Variants in DIDO1 observed in about 807,000 individuals in gnomAD.
DIDO1 encodes the protein death inducer-obliterator 1.
Under a neutral mutation model 99.4 loss-of-function variants are expected in DIDO1, and 16 were observed. The ratio of observed to expected loss-of-function variants is 0.16; its 90% CI spans 0.11 to 0.24. The LOEUF (loss-of-function observed/expected upper bound fraction) is 0.24. Ranked by LOEUF, DIDO1 falls within the 10% of genes least tolerant of loss-of-function variation. The pLI is 1.00. For synonymous variants in DIDO1, 1,366 were observed against 1,239.1 expected, an observed-to-expected ratio of 1.10 and a Z score of -2.15; for missense variants, 2,996 against 3,014.0, an observed-to-expected ratio of 0.99 and a Z score of 0.14.
chr20:62,918,231 T>C (rs1008893892), intron 1 of DIDO1, among the ~76,000 whole-genome samples: 9 of 152,252 alleles, frequency 5.9e-5, no homozygotes, highest in African/African-American at 2.2e-4. Context: ...ATGCATGGGT[T>C]TGCAACCACT....
rs1601044465 is a variant in DIDO1 at position 62,926,492 on chromosome 20, A to G, written c.-253T>C. 2 of 145,092 alleles carry G rather than the reference A, an allele frequency of 1.4e-5. No individual in the cohort carries two copies. Among genetic ancestry groups the G allele is most frequent in the East Asian group, 2.1e-4 (1 of 4,714 alleles). 9.0% of individuals were successfully genotyped at this position (145,092 alleles called of 1,614,324 possible). A position where few individuals can be genotyped will look rare whatever the true frequency, so the allele number is the denominator to read the frequency against. On this transcript the variant is annotated 5_prime_UTR_variant, in exon 1 of 16. Transcript: ENST00000395343. ...TCCCCGAACGCCGCGGAGTGGGCGG[A>G]CGGCCACCGAGATGGCGCGGGGCTA... is the stretch of plus-strand genomic sequence containing the variant.
chr20:62,906,535 A>G (rs1600983770), intron 5 of DIDO1, among the ~76,000 whole-genome samples: 1 of 152,380 alleles, frequency 6.6e-6, no homozygotes, highest in Middle Eastern at 3.4e-3. Context: ...TTAAAAATTA[A>G]GTCATTCAAA....
At chr20:62,902,598 C>G (rs1400696682) in intron 6 of DIDO1, among the ~76,000 whole-genome samples, 1 of 152,138 alleles carries the variant, frequency 6.6e-6, no homozygotes, top group Non-Finnish European at 1.5e-5. Flanking sequence ...GAGACTGGGT[C>G]CTCTTAGGAT....
At chr20:62,899,799 A>G (rs1256361410) in intron 6 of DIDO1, among the ~76,000 whole-genome samples, 1 of 152,216 alleles carries the variant, frequency 6.6e-6, no homozygotes, top group Non-Finnish European at 1.5e-5. Flanking sequence ...CAACACGCAG[A>G]AAGCCCCATT....
intron 1 of DIDO1, among the ~76,000 whole-genome samples, 163 bp downstream of exon 1, chr20:62,926,264 CCGCCCGCCCGCT>C (rs2147593963): frequency 6.6e-6 from 1 of 150,494 alleles, no homozygotes; most frequent in Non-Finnish European, 1.5e-5. Context: ...GCTCGCCCGC[CCGCCCGCCCGCT>C]CCTTCCCTTC....
Position 62,881,880 on chromosome 20 carries a change from A to G in DIDO1, c.4076T>C (p.Leu1359Ser). The change falls in exon 16 of 16, where the codon TTG becomes TCG. Residue 1359 changes from leucine to serine, a missense_variant. By Grantham distance (145) the Leu-to-Ser change is moderately radical. Transcript: ENST00000395343. This position sits in a 1 kb window ranked among gnomAD's most constrained non-coding sequence, Gnocchi z 8.3. The stretch of plus-strand genomic sequence containing the variant: ...GAACTGCTGGACGATCGGATCTAAC[A>G]ACGGAGGTGCCGGCACCCCGTCCTC... ...TAEDGVPAPP[L>S]LDPIVQQFGQ... 2 of 1,613,398 alleles carry G rather than the reference A, an allele frequency of 1.2e-6. No individual in the cohort carries two copies. Among genetic ancestry groups the G allele is most frequent in the Non-Finnish European group, 1.7e-6 (2 of 1,180,010 alleles).
At position 62,892,094 on chromosome 20, in the gene DIDO1, T is replaced by C. The variant is rs2147391512; in HGVS notation, c.3256-18A>G. On this transcript the variant is annotated intron_variant, in intron 13 of 15. Coordinates refer to ENST00000395343, the MANE Select transcript of DIDO1 (RefSeq NM_001193369.2). ...GGCAAATCCTAAACAGAAAGTACTT[T>C]GCGTAAATCACTTTGAACTGTAGTA... is the stretch of plus-strand genomic sequence containing the variant. The C allele has an allele frequency of 6.2e-7, 1 of 1,605,702 alleles. No individual in the cohort carries two copies. The highest frequency in any genetic ancestry group is 1.7e-4 in the Middle Eastern group (1 of 6,040).
intron 6 of DIDO1, among the ~76,000 whole-genome samples, chr20:62,901,062 A>C (rs536340178): frequency 6.6e-6 from 1 of 152,340 alleles, no homozygotes; most frequent in South Asian, 2.1e-4. Flanking sequence ...TGCTCCTCTC[A>C]ACATGCTAGA....
chr20:62,893,596 CCA>C, intron 12 of DIDO1, 68 bp downstream of exon 12: 1 of 1,472,942 alleles, frequency 6.8e-7, no homozygotes, highest in Non-Finnish European at 9.1e-7. Flanking sequence ...TATTTAATCA[CCA>C]GTTATCTTTC....
At chr20:62,890,508 T>C in intron 15 of DIDO1, 2 of 994,162 alleles carry the variant, frequency 2.0e-6, no homozygotes, top group African/African-American at 3.5e-5. Context: ...GAAATAGTTT[T>C]CTATGTCATT....
At chr20:62,927,846 A>C (rs2065280263), upstream of DIDO1, among the ~76,000 whole-genome samples, 1 of 152,180 alleles carries the variant, frequency 6.6e-6, no homozygotes, top group South Asian at 2.1e-4. Context: ...CATTAATAGA[A>C]TCTGGCAGGG....
At position 62,911,295 on chromosome 20, in the gene DIDO1, G is replaced by C; in HGVS notation, c.318C>G (p.Asp106Glu). The C allele has an allele frequency of 1.2e-6, 2 of 1,611,396 alleles. No homozygotes were observed. Among genetic ancestry groups the C allele is most frequent in the South Asian group, 2.2e-5 (2 of 91,082 alleles). ...CGCTGCCCTCGGAGGCTGTCTCGGC[G>C]TCTGTGGCGGGGCAGGACGTGGGCT... ...SGEPTSCPAT[D>E]AETASEGSVE... Residue 106 changes from aspartate (D) to glutamate (E), a missense_variant, in exon 3 of 16, where the codon GAC becomes GAG. Coordinates refer to ENST00000395343, the MANE Select transcript of DIDO1 (RefSeq NM_001193369.2). This position sits in a 1 kb window ranked among gnomAD's most constrained non-coding sequence, Gnocchi z 7.0.
exon 1 of DIDO1, chr20:62,937,850 C>T (rs1050999174): frequency 5.0e-6 from 2 of 398,452 alleles, no homozygotes; most frequent in Non-Finnish European, 4.4e-6. Context: ...TTTCCGCGCT[C>T]CAACGCCTCC....
At position 62,879,910 on chromosome 20, in the gene DIDO1, G is replaced by A. The variant is rs765813315; in HGVS notation, c.6046C>T (p.Pro2016Ser). ...PSRFHFQGQAPQVMKPGPRPL... is the reference protein window; with the variant it reads ...PSRFHFQGQASQVMKPGPRPL... ...CTGGGGCCCGGCTTCATCACCTGCGGGGCCTGGCCCTGGAAGTGAAATCGC... is the reference window on the plus strand; with the variant it reads ...CTGGGGCCCGGCTTCATCACCTGCGAGGCCTGGCCCTGGAAGTGAAATCGC... Residue 2016 changes from proline to serine, a missense_variant, in exon 16 of 16, where the codon CCG (proline) becomes TCG (serine). This residue lies in a region of DIDO1 where 1,562 missense variants were observed against 1,412.6 expected (regional missense o/e 1.11). Coordinates refer to ENST00000395343, the MANE Select transcript of DIDO1 (RefSeq NM_001193369.2). This position sits in a 1 kb window ranked among gnomAD's most constrained non-coding sequence, Gnocchi z 6.3. 10 of 1,591,092 alleles carry A rather than the reference G, an allele frequency of 6.3e-6. No homozygotes were observed. The highest frequency in any genetic ancestry group is 8.5e-6 in the Non-Finnish European group (10 of 1,170,916).
rs1356990225 is a variant in DIDO1 at position 62,897,136 on chromosome 20, T to A, written c.1589-140A>T. The A allele has an allele frequency of 3.8e-6, 3 of 783,048 alleles. No homozygotes were observed. In the East Asian group the frequency reaches 8.2e-5, roughly 21 times the overall value. The allele number at this position is 783,048 out of a possible 1,614,324, so 48.5% of individuals were successfully genotyped here. ...TAGGATACACATAGAGAAAAGGATT[T>A]GTAAAATGTTAGTGTTCAGAGGAGT... On this transcript the variant is annotated intron_variant, in intron 6 of 15. Transcript: ENST00000395343.
rs1279155880 is a variant in DIDO1, at chr20:62,906,089, T to A, written c.1386A>T (p.Lys462Asn). 1 of 1,609,342 alleles carries A rather than the reference T, an allele frequency of 6.2e-7. No individual in the cohort carries two copies. Among genetic ancestry groups the A allele is most frequent in the Non-Finnish European group, 8.5e-7 (1 of 1,177,540 alleles). Residue 462 changes from lysine (K) to asparagine (N), a missense_variant, in exon 6 of 16, where the codon AAA becomes AAT. Coordinates refer to ENST00000395343, the MANE Select transcript of DIDO1 (RefSeq NM_001193369.2). The stretch of plus-strand genomic sequence containing the variant: ...CTGGTCTCTTGTGCACAGAAGAGAT[T>A]TTAATACCTGCCTGGATAATCAGTA... ...LPKCGAQAGI[K>N]ISSVHKRPAP...
chr20:62,908,559 G>A (rs994094484), intron 4 of DIDO1, among the ~76,000 whole-genome samples: 1 of 152,142 alleles, frequency 6.6e-6, no homozygotes, highest in East Asian at 1.9e-4. Context: ...CAACACACAC[G>A]AACATGTCCC....
In DIDO1 at chr20:62,937,855, G is replaced by T. The variant is rs533167781; in HGVS notation, c.-259C>A. On this transcript the variant is annotated 5_prime_UTR_variant, in exon 1 of 16. Coordinates refer to the DIDO1 transcript ENST00000266070. ...CGGTTCCAGATTTCCGCGCTCCAAC[G>T]CCTCCGCAGCAGCCATCTTGCCAGA... 1,815 of 398,532 alleles carry T rather than the reference G, an allele frequency of 4.6e-3. 3 individuals carry two copies. Among genetic ancestry groups the T allele is most frequent in the Non-Finnish European group, 6.3e-3 (1,434 of 226,004 alleles). The allele number at this position is 398,532 out of a possible 1,614,324, so 24.7% of individuals were successfully genotyped here.
Position 62,937,826 on chromosome 20 carries a change from A to G in DIDO1, c.-230T>C, listed in dbSNP as rs935774053. ...CCTCCGACTCAGTGTAGACGTCGCC[A>G]TCCCGGTTCCAGATTTCCGCGCTCC... On this transcript the variant is annotated 5_prime_UTR_variant, in exon 1 of 16. Transcript: ENST00000266070. The G allele has an allele frequency of 1.3e-5, 5 of 398,200 alleles. 1 individual carries two copies. Among genetic ancestry groups the G allele is most frequent in the Non-Finnish European group, 8.9e-6 (2 of 225,900 alleles). 24.7% of individuals were successfully genotyped at this position (398,200 alleles called of 1,614,324 possible).
Sources: gnomAD v4.1 joint callset for allele counts (sites outside exome capture counted in the v4.1 genomes callset) on GRCh38, gnomAD v4.1.1 for gene constraint, gnomAD v4.1.1 regional missense constraint, Gnocchi (gnomAD v3.1) non-coding constraint, MANE v1.5 for transcripts, NCBI Gene and HGNC (gene_info 2026-07-23, HGNC 2026-07-21) for gene names.